The following NAV3 variants were observed in gnomAD, a reference collection of about 807,000 sequenced individuals.
NAV3 encodes the protein neuron navigator 3, also known as pore membrane and/or filament interacting like protein 1.
Under a neutral mutation model 244.7 loss-of-function variants are expected in NAV3, and 87 were observed. That is an observed-to-expected ratio of 0.36 (90% CI 0.30 to 0.42). NAV3 has a LOEUF of 0.42. NAV3 is among the 20% of genes least tolerant of loss of function. The probability of loss-of-function intolerance (pLI) is 1.00; values close to 1 mark genes in which losing one functional copy is unlikely to be tolerated. For synonymous variants in NAV3, 1,126 were observed against 1,042.2 expected, an observed-to-expected ratio of 1.08 and a Z score of -1.55; for missense variants, 2,663 against 2,893.3, an observed-to-expected ratio of 0.92 and a Z score of 1.83.
At chr12:78,064,414 T>TGCCTGCCTGC (rs1884725539) in intron 12 of NAV3, among the ~76,000 whole-genome samples, 1 of 140,036 alleles carries the variant, frequency 7.1e-6, no homozygotes, top group Non-Finnish European at 1.6e-5. Flanking sequence ...TGTCTGTCTG[T>TGCCTGCCTGC]CTGTCTGTCT....
chr12:77,605,793 T>G (rs1870643233), intron 2 of NAV3, among the ~76,000 whole-genome samples: 1 of 151,420 alleles, frequency 6.6e-6, no homozygotes, highest in Admixed American at 6.6e-5. Context: ...GAGCTGAGAT[T>G]GGGGCATTGC....
At chr12:77,963,380 G>A (rs971097148) in intron 3 of NAV3, among the ~76,000 whole-genome samples, 17 of 152,118 alleles carry the variant, frequency 1.1e-4, no homozygotes, top group African/African-American at 3.9e-4. Flanking sequence ...CATATAAATG[G>A]CATTTAACAA....
chr12:77,716,097 C>G (rs1257354319), intron 2 of NAV3, among the ~76,000 whole-genome samples: 1 of 151,922 alleles, frequency 6.6e-6, no homozygotes, highest in African/African-American at 2.4e-5. Context: ...TGTCATACTC[C>G]TAAGATGAAA....
intron 3 of NAV3, among the ~76,000 whole-genome samples, chr12:77,957,070 A>G (rs1891435701): frequency 6.6e-6 from 1 of 152,192 alleles, no homozygotes; most frequent in Non-Finnish European, 1.5e-5. Flanking sequence ...TCTAAATGAC[A>G]CTTTTATGAA....
chr12:77,710,668 C>T (rs1473616577), intron 2 of NAV3, among the ~76,000 whole-genome samples: 1 of 152,096 alleles, frequency 6.6e-6, no homozygotes, highest in African/African-American at 2.4e-5. Flanking sequence ...AGAACTAAGT[C>T]ATGGAAGAGT....
intron 39 of NAV3, among the ~76,000 whole-genome samples, chr12:78,210,058 A>G (rs1204569725): frequency 6.6e-6 from 1 of 152,192 alleles, no homozygotes; most frequent in Non-Finnish European, 1.5e-5. Context: ...TCTCCCAGCC[A>G]AAAAGCTGGG....
intron 11 of NAV3, among the ~76,000 whole-genome samples, chr12:78,057,748 A>G (rs946469874): frequency 5.3e-5 from 8 of 152,142 alleles, no homozygotes; most frequent in Non-Finnish European, 1.2e-4. Flanking sequence ...AGCTTGTTTA[A>G]GTGACTTACC....
intron 12 of NAV3, among the ~76,000 whole-genome samples, chr12:78,061,263 A>G (rs1350916665): frequency 6.6e-6 from 1 of 152,178 alleles, no homozygotes; most frequent in African/African-American, 2.4e-5. Flanking sequence ...CTATAAATAC[A>G]TGTAACGCCT....
chr12:78,101,068 G>A (rs1365624385), intron 12 of NAV3, among the ~76,000 whole-genome samples: 1 of 152,124 alleles, frequency 6.6e-6, no homozygotes, highest in Non-Finnish European at 1.5e-5. Flanking sequence ...TGGAGTGTTA[G>A]AATGAGGGAA....
At chr12:77,937,194 T>A (rs1258584159) in intron 1 of NAV3, among the ~76,000 whole-genome samples, 1 of 152,198 alleles carries the variant, frequency 6.6e-6, no homozygotes, top group Admixed American at 6.5e-5. Flanking sequence ...TCTCACTGAT[T>A]GCAGCTGAAG....
chr12:77,756,354 T>C (rs1054044345), intron 2 of NAV3, among the ~76,000 whole-genome samples: 2 of 140,132 alleles, frequency 1.4e-5, no homozygotes, highest in African/African-American at 6.5e-5. Flanking sequence ...TAACTGACAC[T>C]TTTTTTTTCC....
intron 1 of NAV3, among the ~76,000 whole-genome samples, chr12:77,833,854 C>A (rs929300383): frequency 1.2e-4 from 18 of 152,152 alleles, no homozygotes; most frequent in Admixed American, 3.9e-4. Context: ...GCCAGACTCT[C>A]CTCTGACCTC....
At chr12:78,024,810 C>T (rs1045547823) in intron 9 of NAV3, among the ~76,000 whole-genome samples, 1 of 151,958 alleles carries the variant, frequency 6.6e-6, no homozygotes, top group Non-Finnish European at 1.5e-5. Flanking sequence ...GCCGTCTCTA[C>T]TAAAAATACA....
chr12:77,751,191 G>A (rs748381253), intron 2 of NAV3, among the ~76,000 whole-genome samples: 4 of 152,114 alleles, frequency 2.6e-5, no homozygotes, highest in Non-Finnish European at 4.4e-5. Context: ...ATAATAAAAG[G>A]CACAAAAAAG....
Position 78,001,616 on chromosome 12 carries a change from C to T in NAV3, c.880+3140C>T, listed in dbSNP as rs563704132. The stretch of plus-strand genomic sequence containing the variant: ...AATCAGTAGAGAATTACAAACTGCA[C>T]TTCAAAAGATACATCTAATATCATT... On this transcript the variant is annotated intron_variant, in intron 7 of 39. Coordinates refer to ENST00000397909, the MANE Select transcript of NAV3 (RefSeq NM_001024383.2). Among the ~76,000 whole-genome samples the T allele has an allele frequency of 3.9e-5, 6 of 152,284 alleles. No individual in the cohort carries two copies. The South Asian group carries it at 1.2e-3, about 32-fold the overall frequency.
chr12:78,188,545 A>G (rs1375793903), intron 32 of NAV3, 64 bp from the exon 33 acceptor site: 1 of 1,475,186 alleles, frequency 6.8e-7, no homozygotes, highest in African/African-American at 1.4e-5. Flanking sequence ...CCTGTGAGTT[A>G]TGTATTTGTT....
chr12:77,985,460 A>C (rs1342055009), intron 5 of NAV3, among the ~76,000 whole-genome samples: 1 of 152,192 alleles, frequency 6.6e-6, no homozygotes, highest in African/African-American at 2.4e-5. Flanking sequence ...ATACTTTATA[A>C]GTTAATCTTT....
At chr12:78,008,218 T>C (rs1874580976) in intron 8 of NAV3, among the ~76,000 whole-genome samples, 1 of 152,170 alleles carries the variant, frequency 6.6e-6, no homozygotes, top group South Asian at 2.1e-4. Flanking sequence ...TATTACTGAT[T>C]TGTTTTTTTT....
At chr12:77,661,339 A>G (rs563802756) in intron 2 of NAV3, among the ~76,000 whole-genome samples, 3 of 152,178 alleles carry the variant, frequency 2.0e-5, no homozygotes, top group African/African-American at 4.8e-5. Flanking sequence ...AATGATGTTG[A>G]AAATGTTTTT....
Sources: gnomAD v4.1 joint callset for allele counts (sites outside exome capture counted in the v4.1 genomes callset) on GRCh38, gnomAD v4.1.1 for gene constraint, MANE v1.5 for transcripts, NCBI Gene and HGNC (gene_info 2026-07-23, HGNC 2026-07-21) for gene names.